NANS: variants seen among roughly 807,000 people sequenced by gnomAD.
NANS encodes N-acetylneuraminate-9-phosphate synthase.
In NANS, 29 loss-of-function variants were observed where a neutral mutation model predicts 33.3. That is an observed-to-expected ratio of 0.87 (90% CI 0.65 to 1.19). The LOEUF is 1.19. Among genes scored for constraint, NANS ranks in the 50% most tolerant of loss-of-function variants. The pLI, the probability that NANS is intolerant of heterozygous loss-of-function variation, is 0.00. For synonymous variants in NANS, 163 were observed against 177.2 expected, an observed-to-expected ratio of 0.92 and a Z score of 0.64; for missense variants, 394 against 461.1, an observed-to-expected ratio of 0.85 and a Z score of 1.33.
rs1320047324 is a variant in NANS at position 98,060,858 on chromosome 9, C to T, written c.209C>T (p.Pro70Leu). ...TTTAATCGGAAAGCCTTGGAGAGGC[C>T]ATACACCTCGAAGCATTCCTGGGGG... The part of the protein sequence containing the change: ...FKFNRKALER[P>L]YTSKHSWGKT... The change falls in exon 2 of 6, where the codon CCA (proline) becomes CTA (leucine). Residue 70 changes from proline to leucine, a missense_variant. By Grantham distance (98) the Pro-to-Leu change is moderately conservative. Coordinates refer to ENST00000210444, the MANE Select transcript of NANS (RefSeq NM_018946.4). 5 of 1,614,176 alleles carry T rather than the reference C, an allele frequency of 3.1e-6. No individual in the cohort carries two copies. The highest frequency in any genetic ancestry group is 1.7e-5 in the Admixed American group (1 of 60,020).
intron 2 of NANS, among the ~76,000 whole-genome samples, chr9:98,068,713 T>A (rs1829223485): frequency 6.6e-6 from 1 of 151,152 alleles, no homozygotes; most frequent in Non-Finnish European, 1.5e-5. Context: ...CTTGGGAGGC[T>A]GAGGCAGGAA....
rs1329100241 is a variant in NANS at position 98,078,302 on chromosome 9, C to T, written c.558C>T (p.Ser186=). 7.4e-6 allele frequency: 12 copies of T among 1,613,904 alleles called. No individual in the cohort carries two copies. The highest frequency in any genetic ancestry group is 2.2e-5 in the South Asian group (2 of 91,058). The part of the protein sequence containing the change: ...NPNFCFLQCT[S]AYPLQPEDVN... ...ACTTCTGCTTCTTGCAGTGTACCAG[C>T]GCATACCCGCTCCAGCCTGAGGACG... Residue 186 remains serine, a synonymous_variant, in exon 4 of 6, where the codon AGC becomes AGT. Coordinates refer to ENST00000210444, the MANE Select transcript of NANS (RefSeq NM_018946.4).
intron 2 of NANS, chr9:98,075,873 T>C (rs1339296297): frequency 6.6e-6 from 1 of 152,084 alleles, no homozygotes; most frequent in Non-Finnish European, 1.5e-5. Context: ...TAATAAAAAG[T>C]TTTTGAGTTC....
chr9:98,078,706 G>A (rs992031035), intron 4 of NANS, among the ~76,000 whole-genome samples: 8 of 151,700 alleles, frequency 5.3e-5, no homozygotes, highest in Admixed American at 3.9e-4. Flanking sequence ...ATGGTGATGC[G>A]TGCCTGTGGT....
intron 2 of NANS, among the ~76,000 whole-genome samples, chr9:98,069,856 G>A (rs1829260465): frequency 6.6e-6 from 1 of 152,164 alleles, no homozygotes; most frequent in Non-Finnish European, 1.5e-5. Context: ...GTCTGTGCAT[G>A]GGGTAAAATT....
intron 2 of NANS, among the ~76,000 whole-genome samples, chr9:98,066,432 G>T (rs1412130002): frequency 6.6e-6 from 1 of 152,162 alleles, no homozygotes; most frequent in African/African-American, 2.4e-5. Flanking sequence ...CCTAATGGAA[G>T]GTGTGTTGTG....
At chr9:98,058,354 T>C (rs1286118623) in intron 1 of NANS, among the ~76,000 whole-genome samples, 1 of 152,214 alleles carries the variant, frequency 6.6e-6, no homozygotes. Context: ...ATGCACCATC[T>C]CATTTAATTT....
At chr9:98,058,750 A>T (rs1246868840) in intron 1 of NANS, among the ~76,000 whole-genome samples, 2 of 152,134 alleles carry the variant, frequency 1.3e-5, no homozygotes. Context: ...ACATAGCGAG[A>T]CCCTGTCTCT....
At chr9:98,062,584 C>A (rs1267558452) in intron 2 of NANS, among the ~76,000 whole-genome samples, 2 of 152,084 alleles carry the variant, frequency 1.3e-5, no homozygotes, top group African/African-American at 4.8e-5. Flanking sequence ...TTTTTATATT[C>A]TTGTTTTATT....
intron 2 of NANS, among the ~76,000 whole-genome samples, chr9:98,062,319 T>A (rs1829007114): frequency 6.6e-6 from 1 of 152,060 alleles, no homozygotes; most frequent in African/African-American, 2.4e-5. Context: ...CAGAAGGGAA[T>A]GGCTCACAGG....
At chr9:98,068,802 T>A (rs1587911828) in intron 2 of NANS, among the ~76,000 whole-genome samples, 1 of 147,968 alleles carries the variant, frequency 6.8e-6, no homozygotes, top group East Asian at 2.0e-4. Context: ...GACTCCAGCC[T>A]TGGCAAAAGA....
intron 4 of NANS, among the ~76,000 whole-genome samples, chr9:98,080,081 G>A (rs2118007167): frequency 6.6e-6 from 1 of 152,318 alleles, no homozygotes; most frequent in East Asian, 1.9e-4. Flanking sequence ...GGGCGTGGTG[G>A]CGGGCACCCA....
chr9:98,057,597 A>G (rs902387815), intron 1 of NANS, among the ~76,000 whole-genome samples: 1 of 152,148 alleles, frequency 6.6e-6, no homozygotes, highest in Non-Finnish European at 1.5e-5. Context: ...TGGGGATCAA[A>G]TGAGATTCTC....
intron 3 of NANS, among the ~76,000 whole-genome samples, 198 bp downstream of exon 3, chr9:98,077,215 G>A (rs140536532): frequency 7.3e-5 from 11 of 151,716 alleles, no homozygotes; most frequent in African/African-American, 2.2e-4. Context: ...CTCCCATCTC[G>A]ACCTCCCAAA....
chr9:98,067,823 G>A (rs1449262312), intron 2 of NANS, among the ~76,000 whole-genome samples: 2 of 133,952 alleles, frequency 1.5e-5, no homozygotes, highest in African/African-American at 6.8e-5. Flanking sequence ...CTGAGCTCAA[G>A]CAATCCTCCC....
rs1010259894 is a variant in NANS at position 98,056,769 on chromosome 9, C to G, written c.-40C>G. ...AGAGGCGGCGGCGGCGGCGGCCGGA[C>G]CCAGACTGGTAGTGAGGCTTTGGAC... is the stretch of plus-strand genomic sequence containing the variant. On this transcript the variant is annotated 5_prime_UTR_variant, in exon 1 of 6. Coordinates refer to ENST00000210444, the MANE Select transcript of NANS (RefSeq NM_018946.4). The G allele has an allele frequency of 2.0e-5, 32 of 1,602,524 alleles. No homozygotes were observed. Among genetic ancestry groups the G allele is most frequent in the Non-Finnish European group, 2.6e-5 (31 of 1,176,824 alleles).
chr9:98,077,646 A>G (rs1324615895), intron 3 of NANS, among the ~76,000 whole-genome samples: 1 of 152,156 alleles, frequency 6.6e-6, no homozygotes, highest in African/African-American at 2.4e-5. Context: ...TGAGTTTGAG[A>G]CCGCAGTGGG....
chr9:98,059,384 C>T lies in NANS; in HGVS notation c.133-1398C>T, dbSNP rs531323836. Among the ~76,000 whole-genome samples the T allele has an allele frequency of 1.1e-4, 17 of 152,044 alleles. No homozygotes were observed. The South Asian group carries it at 2.3e-3, about 20-fold the overall frequency. On this transcript the variant is annotated intron_variant, in intron 1 of 5. Coordinates refer to ENST00000210444, the MANE Select transcript of NANS (RefSeq NM_018946.4). ...CTACAGAAATGGCCGTGAGATGGGA[C>T]TTTAGTGGGTTTTAATTACTCTTTT...
chr9:98,060,720 AT>A, intron 1 of NANS, 61 bp from the exon 2 acceptor site: 1 of 1,509,444 alleles, frequency 6.6e-7, no homozygotes. Flanking sequence ...TTGCTCCAGA[AT>A]TTTTTCCTTT....
Sources: allele counts gnomAD v4.1 joint callset (sites outside exome capture counted in the v4.1 genomes callset), GRCh38; gene constraint gnomAD v4.1.1; transcripts MANE v1.5; gene names NCBI Gene and HGNC (gene_info 2026-07-23, HGNC 2026-07-21).